INTS7: variants seen among roughly 807,000 people sequenced by gnomAD.
INTS7 encodes the protein chromosome 1 open reading frame 73.
Under a neutral mutation model 109.2 loss-of-function variants are expected in INTS7, and 46 were observed. The ratio of observed to expected loss-of-function variants is 0.42; its 90% CI spans 0.33 to 0.54. INTS7 has a LOEUF of 0.54. INTS7 is among the 20% of genes least tolerant of loss of function. The pLI is 0.07. For missense variants in INTS7, 929 were observed against 1,132.4 expected (o/e 0.82, Z 2.58); for synonymous variants, 412 against 402.9 (o/e 1.02, Z -0.27).
rs571132226 is a variant in INTS7, at chr1:211,940,966, T to C, written c.*858A>G. The C allele has an allele frequency of 1.6e-4, 24 of 152,308 alleles. No homozygotes were observed. Among genetic ancestry groups the C allele is most frequent in the African/African-American group, 5.1e-4 (21 of 41,568 alleles). The allele number at this position is 152,308 out of a possible 1,614,324, so 9.4% of individuals were successfully genotyped here. On this transcript the variant is annotated 3_prime_UTR_variant, in exon 20 of 20. Coordinates refer to ENST00000366994, the MANE Select transcript of INTS7 (RefSeq NM_015434.4). ...TCTTTGTTTCAATTAAATATGAAAA[T>C]AATAAAGACTGCTTTAGCACAGGAA...
chr1:212,008,240 T>G (rs1178241486), intron 5 of INTS7, among the ~76,000 whole-genome samples: 4 of 152,206 alleles, frequency 2.6e-5, no homozygotes, highest in Non-Finnish European at 4.4e-5. Flanking sequence ...GGGAAAAGAA[T>G]GAGATCAGAG....
Position 211,969,050 on chromosome 1 carries a change from C to T in INTS7, c.1816-343G>A, listed in dbSNP as rs181512526. 5.7e-4 allele frequency among the ~76,000 whole-genome samples: 87 copies of T among 152,022 alleles called. 1 individual carries two copies. Among genetic ancestry groups the T allele is most frequent in the Non-Finnish European group, 1.1e-3 (76 of 67,974 alleles). On this transcript the variant is annotated intron_variant, in intron 13 of 19. Coordinates refer to ENST00000366994, the MANE Select transcript of INTS7 (RefSeq NM_015434.4). ...CTGTAATCCCAGCACTTCGGGAGGTCGAGGCGGGTGGATCACAAGGTCAGG... is the reference window on the plus strand; with the variant it reads ...CTGTAATCCCAGCACTTCGGGAGGTTGAGGCGGGTGGATCACAAGGTCAGG...
intron 9 of INTS7, 55 bp downstream of exon 9, chr1:211,982,621 C>T: frequency 7.2e-7 from 1 of 1,394,548 alleles, no homozygotes; most frequent in South Asian, 1.6e-5. Context: ...AAACAGAATT[C>T]TGTCCAAGGT....
At chr1:212,020,955 G>C in intron 2 of INTS7, 128 bp downstream of exon 2, 1 of 830,012 alleles carries the variant, frequency 1.2e-6, no homozygotes, top group Non-Finnish European at 1.9e-6. Context: ...GCTGCACACA[G>C]TCATGTGTGT....
intron 4 of INTS7, among the ~76,000 whole-genome samples, chr1:212,014,489 A>AG (rs1666311936): frequency 2.0e-5 from 3 of 147,998 alleles, no homozygotes; most frequent in Admixed American, 6.7e-5. Context: ...AAAAAAAAAA[A>AG]GCTGAAGAGG....
At position 212,031,314 on chromosome 1, in the gene INTS7, T is replaced by C. The variant is rs1006042208; in HGVS notation, c.94+4030A>G. The stretch of plus-strand genomic sequence containing the variant: ...TCAGCTGATCTAAAAATGTTTAGAC[T>C]AAGAAATTATATTAGTGAAAAAGTT... On this transcript the variant is annotated intron_variant, in intron 1 of 19. Coordinates refer to ENST00000366994, the MANE Select transcript of INTS7 (RefSeq NM_015434.4). Among the ~76,000 whole-genome samples, 3 of 152,256 alleles carry C rather than the reference T, an allele frequency of 2.0e-5. No individual in the cohort carries two copies. In the South Asian group the frequency reaches 6.2e-4, roughly 32 times the overall value.
chr1:212,000,839 G>A (rs534774239), intron 7 of INTS7, among the ~76,000 whole-genome samples: 1 of 151,974 alleles, frequency 6.6e-6, no homozygotes, highest in Non-Finnish European at 1.5e-5. Flanking sequence ...GGCTTCTTAA[G>A]GTCTTCCTTC....
At chr1:211,987,783 T>C (rs1319520925) in intron 8 of INTS7, 103 bp downstream of exon 8, 3 of 581,944 alleles carry the variant, frequency 5.2e-6, no homozygotes, top group African/African-American at 1.9e-5. Context: ...TATGAGATTT[T>C]TTTCCCTGAT....
intron 16 of INTS7, among the ~76,000 whole-genome samples, chr1:211,965,304 T>C (rs911994746): frequency 6.6e-6 from 1 of 151,912 alleles, no homozygotes; most frequent in Non-Finnish European, 1.5e-5. Context: ...ATAACAGAAG[T>C]TGGTGAGGTT....
Position 211,982,599 on chromosome 1 carries a change from T to TA in INTS7, c.1132+76dup, listed in dbSNP as rs201863806. ...GGCACACAGGCTAAAAATAAGGGATTAAAAAAAAATCAAACAGAATTCTGT... is the reference window on the plus strand; with the variant it reads ...GGCACACAGGCTAAAAATAAGGGATTAAAAAAAAAATCAAACAGAATTCTGT... On this transcript the variant is annotated intron_variant, in intron 9 of 19. Coordinates refer to ENST00000366994, the MANE Select transcript of INTS7 (RefSeq NM_015434.4). 2.7e-3 allele frequency: 3,154 copies of TA among 1,167,514 alleles called. 43 individuals are homozygous for TA. In the African/African-American group the frequency reaches 0.037, roughly 14 times the overall value. The allele number at this position is 1,167,514 out of a possible 1,614,324, so 72.3% of individuals were successfully genotyped here.
At chr1:212,020,024 C>A in intron 3 of INTS7, 98 bp downstream of exon 3, 1 of 832,344 alleles carries the variant, frequency 1.2e-6, no homozygotes, top group Non-Finnish European at 1.7e-6. Context: ...ATAAACAACT[C>A]CTAATACTCA....
At chr1:211,944,506 T>A (rs1337389839) in intron 19 of INTS7, among the ~76,000 whole-genome samples, 1 of 152,228 alleles carries the variant, frequency 6.6e-6, no homozygotes, top group African/African-American at 2.4e-5. Flanking sequence ...AAGGCCTTGC[T>A]GCCAGGCATT....
chr1:211,987,790 T>G, intron 8 of INTS7, 96 bp downstream of exon 8: 1 of 617,742 alleles, frequency 1.6e-6, no homozygotes, highest in Non-Finnish European at 2.7e-6. Flanking sequence ...TTTTTTTCCC[T>G]GATGTTAAAG....
chr1:212,029,329 AC>A (rs1667056238), intron 1 of INTS7, among the ~76,000 whole-genome samples: 1 of 152,258 alleles, frequency 6.6e-6, no homozygotes, highest in Non-Finnish European at 1.5e-5. Flanking sequence ...GATAGGAAAC[AC>A]CAGATGCAAC....
chr1:211,998,358 T>C (rs77794758), intron 7 of INTS7, among the ~76,000 whole-genome samples: 341 of 152,334 alleles, frequency 2.2e-3, no homozygotes, highest in African/African-American at 7.8e-3. Context: ...ATCAAGACAG[T>C]GTATTATTTG....
intron 16 of INTS7, among the ~76,000 whole-genome samples, chr1:211,965,236 A>G (rs1663818481): frequency 6.6e-6 from 1 of 152,148 alleles, no homozygotes; most frequent in South Asian, 2.1e-4. Context: ...GCAAATCAAA[A>G]CCACAATGAG....
In INTS7 at chr1:211,941,175, C is replaced by A. The variant is rs371120153; in HGVS notation, c.*649G>T. 6.6e-6 allele frequency: 1 copy of A among 152,352 alleles called. No homozygotes were observed. The highest frequency in any genetic ancestry group is 1.5e-5 in the Non-Finnish European group (1 of 68,232). 9.4% of individuals were successfully genotyped at this position (152,352 alleles called of 1,614,324 possible). On this transcript the variant is annotated 3_prime_UTR_variant, in exon 20 of 20. Transcript: ENST00000366994. Reference sequence around the variant, plus strand: ...GGTCAGAACCTCCCAATGAACAACTCAGAATCCTAGGTCTAAGTCAGGCAG... The same window carrying A: ...GGTCAGAACCTCCCAATGAACAACTAAGAATCCTAGGTCTAAGTCAGGCAG...
chr1:212,034,244 G>A (rs1667312209), intron 1 of INTS7, among the ~76,000 whole-genome samples: 1 of 152,032 alleles, frequency 6.6e-6, no homozygotes, highest in African/African-American at 2.4e-5. Context: ...TCCCATTAGG[G>A]GGCTGTGAAA....
At chr1:212,032,383 C>T (rs1179789818) in intron 1 of INTS7, among the ~76,000 whole-genome samples, 1 of 152,194 alleles carries the variant, frequency 6.6e-6, no homozygotes, top group Non-Finnish European at 1.5e-5. Flanking sequence ...TGTCACACAC[C>T]TGCTGAAAAT....
Sources: allele counts gnomAD v4.1 joint callset (sites outside exome capture counted in the v4.1 genomes callset), GRCh38; gene constraint gnomAD v4.1.1; transcripts MANE v1.5; gene names NCBI Gene and HGNC (gene_info 2026-07-23, HGNC 2026-07-21).